The following NFATC2 variants were observed in gnomAD, a reference collection of about 807,000 sequenced individuals.
NFATC2 encodes nuclear factor of activated T-cells, cytoplasmic 2.
NFATC2 carries 22 observed loss-of-function variants against 87.3 expected under a neutral mutation model. That is an observed-to-expected ratio of 0.25 (90% CI 0.18 to 0.36). The LOEUF (loss-of-function observed/expected upper bound fraction) is 0.36, where lower values mean the gene tolerates loss of function less well. Ranked by LOEUF, NFATC2 falls within the 10% of genes least tolerant of loss-of-function variation. The pLI, the probability that NFATC2 is intolerant of heterozygous loss-of-function variation, is 1.00. For synonymous variants in NFATC2, 565 were observed against 542.2 expected, an observed-to-expected ratio of 1.04 and a Z score of -0.58; for missense variants, 1,149 against 1,259.1, an observed-to-expected ratio of 0.91 and a Z score of 1.32.
intron 3 of NFATC2, among the ~76,000 whole-genome samples, chr20:51,487,121 G>A (rs1989775726): frequency 6.6e-6 from 1 of 152,196 alleles, no homozygotes; most frequent in Admixed American, 6.5e-5. Flanking sequence ...TCAGGACACT[G>A]ACCTGATATT....
In NFATC2 at chr20:51,476,749, A is replaced by ATAATT. The variant is rs1988752965; in HGVS notation, c.1333-1090_1333-1089insAATTA. Among the ~76,000 whole-genome samples the ATAATT allele has an allele frequency of 4.6e-5, 7 of 152,348 alleles. 1 individual carries two copies. Among genetic ancestry groups the ATAATT allele is most frequent in the African/African-American group, 1.2e-4 (5 of 41,580 alleles). On this transcript the variant is annotated intron_variant, in intron 3 of 10. Coordinates refer to ENST00000371564, the MANE Select transcript of NFATC2 (RefSeq NM_012340.5). ...GAATTAATAAGGCTATCCAACAGAA[A>ATAATT]AAAAGTGAGTAAGATATTTGAACAG... is the stretch of plus-strand genomic sequence containing the variant.
In NFATC2 at chr20:51,442,443, G is replaced by GTAAAA. The variant is rs1212639102; in HGVS notation, c.1850-6687_1850-6683dup. Among the ~76,000 whole-genome samples, 1,066 of 152,070 alleles carry GTAAAA rather than the reference G, an allele frequency of 7.0e-3. 15 individuals carry two copies. Among genetic ancestry groups the GTAAAA allele is most frequent in the African/African-American group, 0.024 (1,008 of 41,476 alleles). ...TGAGCCTCTGCCTCAAAAAAATAAA[G>GTAAAA]TAAAATAAAATAAAATAAAAAGCAG... On this transcript the variant is annotated intron_variant, in intron 6 of 10. Coordinates refer to ENST00000371564, the MANE Select transcript of NFATC2 (RefSeq NM_012340.5).
intron 5 of NFATC2, among the ~76,000 whole-genome samples, chr20:51,455,033 G>A (rs1186291909): frequency 6.6e-6 from 1 of 152,148 alleles, no homozygotes; most frequent in African/African-American, 2.4e-5. Context: ...TTTATAAAGG[G>A]ATGGGCAAAT....
At chr20:51,505,676 C>T (rs1417293960) in intron 3 of NFATC2, among the ~76,000 whole-genome samples, 2 of 152,092 alleles carry the variant, frequency 1.3e-5, no homozygotes, top group African/African-American at 4.8e-5. Flanking sequence ...CTCCCACATC[C>T]CAGATGCTTG....
chr20:51,526,546 TA>T (rs916237490), intron 1 of NFATC2, among the ~76,000 whole-genome samples: 1 of 152,116 alleles, frequency 6.6e-6, no homozygotes, highest in African/African-American at 2.4e-5. Context: ...CAAGCCCCCA[TA>T]AACATTTGCC....
chr20:51,437,133 C>A (rs367839037), intron 6 of NFATC2, among the ~76,000 whole-genome samples: 2 of 147,570 alleles, frequency 1.4e-5, no homozygotes, highest in Non-Finnish European at 1.5e-5. Flanking sequence ...AAAAAAAAAC[C>A]CTGCATTTGC....
chr20:51,558,491 G>C (rs553789584), intron 1 of NFATC2, among the ~76,000 whole-genome samples: 16 of 151,928 alleles, frequency 1.1e-4, no homozygotes, highest in Admixed American at 3.9e-4. Flanking sequence ...TTTTGGGGGG[G>C]GGCGAGGTAA....
At chr20:51,414,470 C>T (rs995865187) in intron 9 of NFATC2, among the ~76,000 whole-genome samples, 2 of 152,000 alleles carry the variant, frequency 1.3e-5, no homozygotes, top group African/African-American at 4.8e-5. Context: ...GGGCGGATCA[C>T]CTGAGGTCAG....
Position 51,406,557 on chromosome 20 carries a change from C to T in NFATC2, c.2723-7827G>A, listed in dbSNP as rs182733467. On this transcript the variant is annotated intron_variant, in intron 9 of 10. Transcript: ENST00000371564. ...AGAGTTAAAGCCAAGGCCTGGGCTG[C>T]GCAGAGGAATGACTGGAGGCGCCCC... 2.0e-4 allele frequency among the ~76,000 whole-genome samples: 31 copies of T among 152,310 alleles called. No individual in the cohort carries two copies. In the East Asian group the frequency reaches 4.3e-3, roughly 21 times the overall value.
intron 3 of NFATC2, among the ~76,000 whole-genome samples, chr20:51,484,426 G>T (rs183639363): frequency 6.6e-6 from 1 of 152,140 alleles, no homozygotes; most frequent in Admixed American, 6.5e-5. Context: ...ATAGTTATTT[G>T]CTCTTTGCTG....
intron 3 of NFATC2, among the ~76,000 whole-genome samples, chr20:51,484,970 G>T (rs1386649051): frequency 1.3e-5 from 2 of 152,222 alleles, no homozygotes; most frequent in East Asian, 3.8e-4. Flanking sequence ...GGACAGGCTT[G>T]AAAACCAAAC....
At chr20:51,398,607 T>TGGAAAAC in intron 10 of NFATC2, 36 bp downstream of exon 10, 1 of 1,478,528 alleles carries the variant, frequency 6.8e-7, no homozygotes, top group Non-Finnish European at 9.2e-7. Context: ...AACACACAGC[T>TGGAAAAC]GGAAAACAAA....
In NFATC2 at chr20:51,389,906, T is replaced by C. The variant is rs1371359333; in HGVS notation, c.*1590A>G. On this transcript the variant is annotated 3_prime_UTR_variant, in exon 11 of 11. Coordinates refer to ENST00000371564, the MANE Select transcript of NFATC2 (RefSeq NM_012340.5). ...GAAAACACTCTAAGTACAGTCTGAG[T>C]GCTAAGAATATTTTCACTTTGCTGC... 1 of 152,132 alleles carries C rather than the reference T, an allele frequency of 6.6e-6. No individual in the cohort carries two copies. The highest frequency in any genetic ancestry group is 6.5e-5 in the Admixed American group (1 of 15,278). 9.4% of individuals were successfully genotyped at this position (152,132 alleles called of 1,614,324 possible).
At chr20:51,511,603 C>T (rs1292862377) in intron 3 of NFATC2, among the ~76,000 whole-genome samples, 5 of 152,220 alleles carry the variant, frequency 3.3e-5, no homozygotes, top group African/African-American at 4.8e-5. Context: ...CTCCGCCATC[C>T]ATCCAACCGA....
At chr20:51,396,023 G>GAATAAAACT (rs1987027937) in intron 10 of NFATC2, among the ~76,000 whole-genome samples, 2 of 130,558 alleles carry the variant, frequency 1.5e-5, no homozygotes, top group African/African-American at 5.6e-5. Context: ...GCTGTAGTTT[G>GAATAAAACT]TCAGCTCCTA....
intron 9 of NFATC2, among the ~76,000 whole-genome samples, chr20:51,428,059 A>G (rs1982119320): frequency 6.6e-6 from 1 of 152,282 alleles, no homozygotes; most frequent in South Asian, 2.1e-4. Context: ...AAGGAGGGTC[A>G]AGGACAGAGA....
chr20:51,499,771 G>A (rs2076049260), intron 3 of NFATC2, among the ~76,000 whole-genome samples: 1 of 150,194 alleles, frequency 6.7e-6, no homozygotes, highest in African/African-American at 2.5e-5. Flanking sequence ...AAGAAAGAAA[G>A]AAAAAGAAAT....
chr20:51,487,787 T>C (rs1261644922), intron 3 of NFATC2, among the ~76,000 whole-genome samples: 2 of 150,384 alleles, frequency 1.3e-5, no homozygotes, highest in Non-Finnish European at 2.9e-5. Context: ...CCAAAAATTC[T>C]GAGTCACTTT....
chr20:51,542,747 G>T (rs1477114155), upstream of NFATC2: 1 of 692,896 alleles, frequency 1.4e-6, no homozygotes, highest in Non-Finnish European at 1.7e-6. Flanking sequence ...AGCCCGGGGA[G>T]GCGGGGGGGG....
Sources: allele counts gnomAD v4.1 joint callset (sites outside exome capture counted in the v4.1 genomes callset), GRCh38; gene constraint gnomAD v4.1.1; transcripts MANE v1.5; gene names NCBI Gene and HGNC (gene_info 2026-07-23, HGNC 2026-07-21).